Variants in UTS2 observed in about 807,000 individuals in gnomAD.
The protein encoded by UTS2 is urotensin 2, also known as urotensin-2.
A neutral mutation model predicts 12.6 loss-of-function variants in UTS2; 10 were observed. The ratio of observed to expected loss-of-function variants is 0.80; its 90% confidence interval spans 0.49 to 1.35. The LOEUF (loss-of-function observed/expected upper bound fraction) is 1.35, where lower values mean the gene tolerates loss of function less well. Among genes scored for constraint, UTS2 ranks in the 40% most tolerant of loss-of-function variants. UTS2 has a pLI of 0.00. For missense variants in UTS2, 142 were observed against 143.2 expected, an observed-to-expected ratio of 0.99 and a Z score of 0.04; for synonymous variants, 52 against 50.0, an observed-to-expected ratio of 1.04 and a Z score of -0.17.
upstream of UTS2, among the ~76,000 whole-genome samples, chr1:7,854,002 G>A (rs984301344): frequency 2.6e-5 from 4 of 152,220 alleles, no homozygotes; most frequent in Non-Finnish European, 5.9e-5. Context: ...GGCCGAGGCA[G>A]GAGGATCACT....
At chr1:7,913,106 A>T in the UTS2 span, among the ~76,000 whole-genome samples, 2 of 150,366 alleles carry the variant, frequency 1.3e-5, no homozygotes, top group African/African-American at 5.0e-5. Flanking sequence ...CTGCTACGGA[A>T]CTCCCACCCT....
At chr1:7,898,728 C>T in the UTS2 span, among the ~76,000 whole-genome samples, 2 of 152,020 alleles carry the variant, frequency 1.3e-5, no homozygotes, top group South Asian at 2.1e-4. Context: ...CCACCCACCT[C>T]GGCCTCCCAG....
chr1:7,878,501 C>G, the UTS2 span, among the ~76,000 whole-genome samples: 1 of 152,098 alleles, frequency 6.6e-6, no homozygotes, highest in Non-Finnish European at 1.5e-5. Flanking sequence ...TATTTTTTAA[C>G]AAATTTTAAA....
chr1:7,868,251 G>A, the UTS2 span, among the ~76,000 whole-genome samples: 13 of 152,282 alleles, frequency 8.5e-5, no homozygotes, highest in East Asian at 1.9e-4. Flanking sequence ...GAGTCGCTAC[G>A]ATAATGCCGC....
chr1:7,850,390 C>T (rs964857063), intron 2 of UTS2, among the ~76,000 whole-genome samples: 1 of 152,184 alleles, frequency 6.6e-6, no homozygotes, highest in Non-Finnish European at 1.5e-5. Flanking sequence ...GAGCATTTTA[C>T]TTGCCTTGAC....
the UTS2 span, among the ~76,000 whole-genome samples, chr1:7,897,130 A>C: frequency 1.8e-4 from 28 of 152,230 alleles, no homozygotes; most frequent in African/African-American, 6.0e-4. Context: ...GTCATTATAT[A>C]GCTTCTAAGA....
the UTS2 span, among the ~76,000 whole-genome samples, chr1:7,873,385 G>GA: frequency 1.1e-4 from 16 of 152,216 alleles, no homozygotes; most frequent in Non-Finnish European, 1.9e-4. Context: ...AAAGTCAATT[G>GA]AAAACCTTCT....
the UTS2 span, among the ~76,000 whole-genome samples, chr1:7,862,390 A>T: frequency 1.3e-5 from 2 of 152,078 alleles, no homozygotes; most frequent in Admixed American, 6.5e-5. Flanking sequence ...GATACCTGCG[A>T]ATACCTGAGG....
the UTS2 span, among the ~76,000 whole-genome samples, chr1:7,879,848 A>G: frequency 1.3e-5 from 2 of 152,232 alleles, no homozygotes; most frequent in African/African-American, 4.8e-5. Context: ...GTTTATAGCA[A>G]TAAATGCCTA....
the UTS2 span, among the ~76,000 whole-genome samples, chr1:7,877,143 GAA>G: frequency 1.5e-5 from 1 of 68,036 alleles, no homozygotes; most frequent in South Asian, 7.1e-4. Flanking sequence ...AAAAAAAAAA[GAA>G]AAAAAAAAGA....
the UTS2 span, among the ~76,000 whole-genome samples, chr1:7,890,652 G>C: frequency 2.7e-5 from 4 of 150,026 alleles, no homozygotes; most frequent in Non-Finnish European, 5.9e-5. Flanking sequence ...AGGATATTAA[G>C]AGGCCAAGGC....
intron 1 of UTS2, among the ~76,000 whole-genome samples, chr1:7,851,169 G>T (rs228650): frequency 0.28 from 42,104 of 152,108 alleles, 6,971 homozygotes; most frequent in Middle Eastern, 0.43. Flanking sequence ...CAAGCCCCTC[G>T]GCTGCCTCGA....
At chr1:7,893,460 C>A in the UTS2 span, among the ~76,000 whole-genome samples, 1 of 151,608 alleles carries the variant, frequency 6.6e-6, no homozygotes, top group Non-Finnish European at 1.5e-5. Context: ...CCACTGCACT[C>A]CAGCCTGGAC....
chr1:7,908,485 T>C, the UTS2 span, among the ~76,000 whole-genome samples: 1 of 134,642 alleles, frequency 7.4e-6, no homozygotes, highest in African/African-American at 3.1e-5. Flanking sequence ...AAAAAAGGGA[T>C]CATGACTAGT....
At chr1:7,909,758 C>T in the UTS2 span, among the ~76,000 whole-genome samples, 3 of 151,970 alleles carry the variant, frequency 2.0e-5, no homozygotes, top group South Asian at 4.2e-4. Flanking sequence ...GTAGCTGGGA[C>T]TACAGGCGCC....
the UTS2 span, among the ~76,000 whole-genome samples, chr1:7,860,228 G>A: frequency 6.6e-6 from 1 of 152,282 alleles, no homozygotes; most frequent in East Asian, 1.9e-4. Flanking sequence ...TCAGGTGGGC[G>A]ATGGGATGGA....
At chr1:7,848,153 T>C (rs569978597) in intron 3 of UTS2, among the ~76,000 whole-genome samples, 17 of 152,256 alleles carry the variant, frequency 1.1e-4, no homozygotes, top group Non-Finnish European at 1.9e-4. Flanking sequence ...GATTTCTATT[T>C]AAATCATTTC....
At chr1:7,892,635 C>T in the UTS2 span, among the ~76,000 whole-genome samples, 22 of 151,768 alleles carry the variant, frequency 1.4e-4, no homozygotes, top group Non-Finnish European at 2.5e-4. Flanking sequence ...CCTGCCACCA[C>T]GCCTGGCTAA....
At chr1:7,896,257 A>T in the UTS2 span, among the ~76,000 whole-genome samples, 38 of 151,904 alleles carry the variant, frequency 2.5e-4, no homozygotes, top group Non-Finnish European at 4.9e-4. Context: ...ATGTTTATCC[A>T]TGAAAAAAAA....
Sources: gnomAD v4.1 joint callset for allele counts (sites outside exome capture counted in the v4.1 genomes callset) on GRCh38, gnomAD v4.1.1 for gene constraint, MANE v1.5 for transcripts, NCBI Gene and HGNC (gene_info 2026-07-23, HGNC 2026-07-21) for gene names.